ABCB1: variants seen among roughly 807,000 people sequenced by gnomAD.
ABCB1 encodes ATP-dependent translocase ABCB1.
In ABCB1, 69 loss-of-function variants were observed where a neutral mutation model predicts 142.0. That is an observed-to-expected ratio of 0.49 (90% CI 0.40 to 0.59). The LOEUF (loss-of-function observed/expected upper bound fraction) is 0.59, where lower values mean the gene tolerates loss of function less well. Ranked by LOEUF, ABCB1 falls within the 20% of genes least tolerant of loss-of-function variation. ABCB1 has a pLI of 0.00. For missense variants in ABCB1, 1,326 were observed against 1,554.7 expected (o/e 0.85, Z 2.47); for synonymous variants, 532 against 539.2 (o/e 0.99, Z 0.18).
intron 1 of ABCB1, among the ~76,000 whole-genome samples, chr7:87,663,417 T>C (rs972359504): frequency 4.0e-5 from 6 of 151,868 alleles, no homozygotes; most frequent in Non-Finnish European, 7.4e-5. Context: ...AGTCAATACT[T>C]ATTAAGCTTT....
chr7:87,574,262 T>C (rs946038009), intron 4 of ABCB1, among the ~76,000 whole-genome samples: 10 of 152,066 alleles, frequency 6.6e-5, no homozygotes, highest in African/African-American at 2.4e-4. Context: ...ACGAGAGAGC[T>C]TGACGGAATG....
intron 1 of ABCB1, among the ~76,000 whole-genome samples, chr7:87,608,333 G>A (rs943660992): frequency 2.0e-5 from 3 of 152,206 alleles, no homozygotes; most frequent in East Asian, 1.9e-4. Context: ...GTTTACTTGT[G>A]TTTATGTTGT....
At chr7:87,507,477 T>G (rs1327811042) in intron 26 of ABCB1, among the ~76,000 whole-genome samples, 1 of 152,162 alleles carries the variant, frequency 6.6e-6, no homozygotes, top group African/African-American at 2.4e-5. Context: ...CTCTCATCAG[T>G]AAAGGGGATT....
At chr7:87,634,627 CAAAA>C (rs1158146732) in intron 1 of ABCB1, among the ~76,000 whole-genome samples, 2 of 118,892 alleles carry the variant, frequency 1.7e-5, no homozygotes, top group Non-Finnish European at 3.5e-5. Flanking sequence ...ACTCTTGTCT[CAAAA>C]AAAAAAGAAA....
intron 1 of ABCB1, among the ~76,000 whole-genome samples, chr7:87,703,025 G>A (rs1829231316): frequency 6.6e-6 from 1 of 152,078 alleles, no homozygotes; most frequent in South Asian, 2.1e-4. Context: ...TTATTGAATT[G>A]TCAGAGTAGC....
chr7:87,595,945 A>T, intron 2 of ABCB1, 131 bp from the exon 3 acceptor site: 2 of 710,662 alleles, frequency 2.8e-6, no homozygotes, highest in Non-Finnish European at 4.8e-6. Flanking sequence ...CAGTTAAAAA[A>T]CAGGATGATA....
At chr7:87,599,841 TA>T (rs776740795) in intron 2 of ABCB1, among the ~76,000 whole-genome samples, 2 of 152,174 alleles carry the variant, frequency 1.3e-5, no homozygotes, top group African/African-American at 2.4e-5. Context: ...TCCGGGCATG[TA>T]AAAAACGCTT....
chr7:87,553,261 AC>A (rs1444524831), intron 9 of ABCB1, among the ~76,000 whole-genome samples: 1 of 152,058 alleles, frequency 6.6e-6, no homozygotes, highest in Non-Finnish European at 1.5e-5. Context: ...ATCTGCAAAA[AC>A]AAACAAGCAA....
chr7:87,506,666 T>G (rs1424598463), intron 26 of ABCB1, among the ~76,000 whole-genome samples: 1 of 152,196 alleles, frequency 6.6e-6, no homozygotes, highest in Non-Finnish European at 1.5e-5. Context: ...CAATGGATAA[T>G]TGTCACCAAC....
At chr7:87,515,498 T>TC (rs1815197503) in intron 24 of ABCB1, 70 bp from the exon 25 acceptor site, 1 of 1,390,658 alleles carries the variant, frequency 7.2e-7, no homozygotes, top group Non-Finnish European at 1.0e-6. Context: ...GCTAACTCTC[T>TC]CGATTACCAG....
chr7:87,538,521 C>T (rs1212243938), intron 19 of ABCB1, among the ~76,000 whole-genome samples: 3 of 152,182 alleles, frequency 2.0e-5, no homozygotes, highest in Admixed American at 1.3e-4. Context: ...GTACCCCTGG[C>T]ACATCTGGGG....
intron 7 of ABCB1, chr7:87,564,065 C>T (rs1054412769): frequency 1.7e-5 from 7 of 414,778 alleles, no homozygotes; most frequent in Non-Finnish European, 2.8e-5. Context: ...CTAATGGGTA[C>T]TAGGCTTAAT....
intron 3 of ABCB1, among the ~76,000 whole-genome samples, chr7:87,589,762 G>T (rs1327049585): frequency 6.7e-6 from 1 of 149,246 alleles, no homozygotes; most frequent in Non-Finnish European, 1.5e-5. Context: ...TCCAGCCTGG[G>T]TGACAGAGTT....
chr7:87,663,514 C>T (rs1469742785), intron 1 of ABCB1, among the ~76,000 whole-genome samples: 1 of 152,072 alleles, frequency 6.6e-6, no homozygotes, highest in Non-Finnish European at 1.5e-5. Flanking sequence ...GTAAATTTCT[C>T]AAGAAAACTT....
chr7:87,572,107 A>G (rs1818080060), intron 4 of ABCB1, among the ~76,000 whole-genome samples: 1 of 152,242 alleles, frequency 6.6e-6, no homozygotes, highest in African/African-American at 2.4e-5. Context: ...ATGAAACAGG[A>G]CATTGAATAG....
chr7:87,679,441 T>C (rs1585081414), intron 1 of ABCB1, among the ~76,000 whole-genome samples: 1 of 149,100 alleles, frequency 6.7e-6, no homozygotes, highest in Non-Finnish European at 1.5e-5. Flanking sequence ...CAGGTTGGAG[T>C]GCAATGGCAC....
At chr7:87,559,038 C>A (rs949485096) in intron 8 of ABCB1, among the ~76,000 whole-genome samples, 1 of 151,988 alleles carries the variant, frequency 6.6e-6, no homozygotes, top group Non-Finnish European at 1.5e-5. Flanking sequence ...GTTTTCCTTT[C>A]TCATATTATA....
rs145328067 is a variant in ABCB1, at chr7:87,646,120, T to A, written c.-330-45042A>T. Among the ~76,000 whole-genome samples, 375 of 152,330 alleles carry A rather than the reference T, an allele frequency of 2.5e-3. 5 individuals carry two copies. The highest frequency in any genetic ancestry group is 0.017 in the Middle Eastern group (5 of 294). On this transcript the variant is annotated intron_variant, in intron 1 of 28. Coordinates refer to the ABCB1 transcript ENST00000265724. Reference sequence around the variant, plus strand: ...AGCTGTTGAGTTTAAAGTAATTTAGTGCTCTGATATTTGACATTTTATGTT... The same window carrying A: ...AGCTGTTGAGTTTAAAGTAATTTAGAGCTCTGATATTTGACATTTTATGTT...
intron 3 of ABCB1, among the ~76,000 whole-genome samples, chr7:87,586,425 C>G (rs1359016640): frequency 4.6e-5 from 7 of 152,058 alleles, no homozygotes; most frequent in African/African-American, 1.7e-4. Flanking sequence ...TACTGCTTCC[C>G]TATAACTCAA....
Sources: gnomAD v4.1 joint callset for allele counts (sites outside exome capture counted in the v4.1 genomes callset) on GRCh38, gnomAD v4.1.1 for gene constraint, MANE v1.5 for transcripts, NCBI Gene and HGNC (gene_info 2026-07-23, HGNC 2026-07-21) for gene names.